Variants in CADM2 observed in about 807,000 individuals in gnomAD.
The protein encoded by CADM2 is immunoglobulin superfamily member 4D.
In CADM2, 12 loss-of-function variants were observed where a neutral mutation model predicts 49.8. That is an observed-to-expected ratio of 0.24 (90% CI 0.15 to 0.39). The LOEUF (loss-of-function observed/expected upper bound fraction) is 0.39. CADM2 is among the 10% of genes least tolerant of loss of function. The pLI, the probability that CADM2 is intolerant of heterozygous loss-of-function variation, is 1.00. For missense variants in CADM2, 378 were observed against 492.3 expected, an observed-to-expected ratio of 0.77 and a Z score of 2.20; for synonymous variants, 214 against 175.4, an observed-to-expected ratio of 1.22 and a Z score of -1.74.
At chr3:85,172,758 G>C (rs1214587716) in intron 1 of CADM2, among the ~76,000 whole-genome samples, 4 of 151,000 alleles carry the variant, frequency 2.6e-5, no homozygotes, top group Non-Finnish European at 5.9e-5. Flanking sequence ...ATGCTGTAAG[G>C]CTGTTGTAAT....
chr3:85,727,821 G>A (rs1409521894), intron 2 of CADM2, among the ~76,000 whole-genome samples: 1 of 151,860 alleles, frequency 6.6e-6, no homozygotes, highest in Non-Finnish European at 1.5e-5. Context: ...CTTGAAGGAT[G>A]GATAGGATGT....
chr3:86,054,577 A>G (rs545689485), intron 8 of CADM2, among the ~76,000 whole-genome samples: 15 of 152,238 alleles, frequency 9.9e-5, no homozygotes, highest in African/African-American at 3.4e-4. Context: ...AAATTTTAGA[A>G]TAATGTGGAG....
chr3:85,038,912 C>G (rs1020644459), intron 1 of CADM2, among the ~76,000 whole-genome samples: 2 of 152,128 alleles, frequency 1.3e-5, no homozygotes, highest in African/African-American at 4.8e-5. Context: ...ATCCCCTTGT[C>G]ATTATAAATC....
At chr3:85,582,487 G>A (rs1250071583) in intron 1 of CADM2, among the ~76,000 whole-genome samples, 1 of 152,148 alleles carries the variant, frequency 6.6e-6, no homozygotes, top group East Asian at 1.9e-4. Context: ...CTAAATAAAT[G>A]TTGATGCCTT....
At chr3:85,129,203 C>T (rs1458871556) in intron 1 of CADM2, among the ~76,000 whole-genome samples, 1 of 152,122 alleles carries the variant, frequency 6.6e-6, no homozygotes, top group East Asian at 1.9e-4. Context: ...TAGGGCCTTT[C>T]ACCTTTATTT....
intron 1 of CADM2, among the ~76,000 whole-genome samples, chr3:85,225,629 A>C (rs149872497): frequency 6.6e-6 from 1 of 152,212 alleles, no homozygotes; most frequent in Non-Finnish European, 1.5e-5. Flanking sequence ...AAGAACTTCC[A>C]ATACTATATT....
At chr3:85,554,921 G>A (rs1195718623) in intron 1 of CADM2, among the ~76,000 whole-genome samples, 1 of 129,408 alleles carries the variant, frequency 7.7e-6, no homozygotes, top group African/African-American at 3.3e-5. Context: ...TCACTTTGTT[G>A]CCAGGGCTGG....
chr3:85,563,565 A>G (rs2062163692), intron 1 of CADM2, among the ~76,000 whole-genome samples: 2 of 151,936 alleles, frequency 1.3e-5, no homozygotes, highest in South Asian at 4.2e-4. Context: ...GAAACTCATG[A>G]CTCCTTTGAG....
intron 1 of CADM2, among the ~76,000 whole-genome samples, chr3:85,640,230 A>G (rs1212800161): frequency 6.6e-6 from 1 of 152,162 alleles, no homozygotes; most frequent in South Asian, 2.1e-4. Flanking sequence ...TACTCTGCAC[A>G]TTTCAAATCT....
intron 7 of CADM2, among the ~76,000 whole-genome samples, chr3:85,956,544 A>G (rs1487110075): frequency 6.6e-6 from 1 of 151,644 alleles, no homozygotes; most frequent in African/African-American, 2.4e-5. Context: ...TATCACAGAG[A>G]CTAGGATCAA....
chr3:85,561,749 CT>C (rs879909018), intron 1 of CADM2, among the ~76,000 whole-genome samples: 1 of 152,008 alleles, frequency 6.6e-6, no homozygotes, highest in Admixed American at 6.6e-5. Flanking sequence ...TATATTATAC[CT>C]TTTTTTTAGG....
intron 2 of CADM2, among the ~76,000 whole-genome samples, chr3:85,794,151 A>T (rs1242900463): frequency 6.6e-6 from 1 of 152,124 alleles, no homozygotes; most frequent in Non-Finnish European, 1.5e-5. Flanking sequence ...AAGTCTTAAG[A>T]TGTGATACTA....
chr3:85,547,800 T>G (rs1471629066), intron 1 of CADM2, among the ~76,000 whole-genome samples: 1 of 152,086 alleles, frequency 6.6e-6, no homozygotes, highest in African/African-American at 2.4e-5. Flanking sequence ...AATCAGCTTT[T>G]GGAGGAAAAT....
At chr3:85,235,251 T>C (rs1235762158) in intron 1 of CADM2, among the ~76,000 whole-genome samples, 3 of 152,146 alleles carry the variant, frequency 2.0e-5, no homozygotes, top group Non-Finnish European at 4.4e-5. Flanking sequence ...TTGATCACAA[T>C]TATTTGCTAT....
chr3:85,262,691 A>G (rs1221656798), intron 1 of CADM2, among the ~76,000 whole-genome samples: 2 of 152,096 alleles, frequency 1.3e-5, no homozygotes, highest in African/African-American at 2.4e-5. Context: ...AGTTTTGCAA[A>G]AGGTAGAACT....
intron 1 of CADM2, among the ~76,000 whole-genome samples, chr3:85,469,249 A>G (rs1369379612): frequency 1.3e-5 from 2 of 152,200 alleles, no homozygotes; most frequent in African/African-American, 4.8e-5. Context: ...CAGTATAATC[A>G]AATTATCTGT....
chr3:85,796,823 G>A (rs958287022), intron 2 of CADM2, among the ~76,000 whole-genome samples: 4 of 152,072 alleles, frequency 2.6e-5, no homozygotes, highest in Non-Finnish European at 5.9e-5. Flanking sequence ...CTGGCCAGTT[G>A]TGGTGGCTCA....
intron 1 of CADM2, among the ~76,000 whole-genome samples, chr3:85,113,273 A>G (rs1371492938): frequency 6.6e-6 from 1 of 152,164 alleles, no homozygotes; most frequent in African/African-American, 2.4e-5. Context: ...AGTAATTTAT[A>G]ACAGATAAAG....
intron 8 of CADM2, among the ~76,000 whole-genome samples, chr3:86,017,047 G>C (rs1732341300): frequency 6.6e-6 from 1 of 151,646 alleles, no homozygotes; most frequent in African/African-American, 2.4e-5. Context: ...ATATCAAACA[G>C]TTGTGCTTAT....
Sources: allele counts gnomAD v4.1 joint callset (sites outside exome capture counted in the v4.1 genomes callset), GRCh38; gene constraint gnomAD v4.1.1; transcripts MANE v1.5; gene names NCBI Gene and HGNC (gene_info 2026-07-23, HGNC 2026-07-21).